The following COL8A1 variants were observed in gnomAD, a reference collection of about 807,000 sequenced individuals.
The protein encoded by COL8A1 is collagen alpha-1(VIII) chain.
COL8A1 carries 21 observed loss-of-function variants against 42.7 expected under a neutral mutation model. The ratio of observed to expected loss-of-function variants is 0.49; its 90% CI spans 0.35 to 0.71. COL8A1 has a LOEUF of 0.71. Among genes scored for constraint, COL8A1 ranks in the 30% least tolerant of loss-of-function variants. The pLI is 0.01. For synonymous variants in COL8A1, 367 were observed against 369.1 expected (o/e 0.99, Z 0.06); for missense variants, 788 against 962.4 (o/e 0.82, Z 2.40).
chr3:99,785,313 A>G (rs1365518925), intron 2 of COL8A1, among the ~76,000 whole-genome samples: 2 of 152,310 alleles, frequency 1.3e-5, no homozygotes, highest in African/African-American at 4.8e-5. Flanking sequence ...CAACACACTA[A>G]GACTTTTGAT....
At chr3:99,773,258 T>C (rs540688126) in intron 2 of COL8A1, among the ~76,000 whole-genome samples, 9 of 152,322 alleles carry the variant, frequency 5.9e-5, no homozygotes, top group Non-Finnish European at 8.8e-5. Context: ...GTTTGAATTG[T>C]TAATAATAAC....
chr3:99,798,113 C>G lies in COL8A1; in HGVS notation c.*1977C>G, dbSNP rs1159536006. ...AAAACACATGGAAATGTGTCTTTGT[C>G]AAATCTGAATCATTATTACCATCAC... On this transcript the variant is annotated 3_prime_UTR_variant, in exon 4 of 4. Coordinates refer to ENST00000652472, the MANE Select transcript of COL8A1 (RefSeq NM_020351.4). 6.6e-6 allele frequency: 1 copy of G among 152,124 alleles called. No individual in the cohort carries two copies. The highest frequency in any genetic ancestry group is 1.5e-5 in the Non-Finnish European group (1 of 68,032). The allele number at this position is 152,124 out of a possible 1,614,324, so 9.4% of individuals were successfully genotyped here. A position where few individuals can be genotyped will look rare whatever the true frequency, so the allele number is the denominator to read the frequency against.
chr3:99,699,691 C>A (rs1939478757), intron 1 of COL8A1, among the ~76,000 whole-genome samples: 1 of 152,134 alleles, frequency 6.6e-6, no homozygotes, highest in African/African-American at 2.4e-5. Flanking sequence ...ATTTTCCATT[C>A]TAGGGAAAAA....
intron 2 of COL8A1, among the ~76,000 whole-genome samples, chr3:99,774,398 CA>C (rs1212968410): frequency 1.3e-5 from 2 of 152,002 alleles, no homozygotes; most frequent in Non-Finnish European, 1.5e-5. Flanking sequence ...AGAGATCATT[CA>C]AAAGCTATTT....
intron 2 of COL8A1, among the ~76,000 whole-genome samples, chr3:99,783,133 C>T (rs751255678): frequency 1.3e-4 from 20 of 152,290 alleles, no homozygotes; most frequent in Non-Finnish European, 2.5e-4. Context: ...AGAAGAGATT[C>T]GGATTAGATA....
At chr3:99,731,371 C>A (rs1940504826) in intron 1 of COL8A1, among the ~76,000 whole-genome samples, 1 of 152,090 alleles carries the variant, frequency 6.6e-6, no homozygotes, top group Non-Finnish European at 1.5e-5. Flanking sequence ...AATGGCAAAG[C>A]CCTATAAGTA....
At chr3:99,712,650 G>A (rs1444595129) in intron 1 of COL8A1, among the ~76,000 whole-genome samples, 3 of 152,080 alleles carry the variant, frequency 2.0e-5, no homozygotes, top group Non-Finnish European at 4.4e-5. Context: ...AGGTGAATTT[G>A]AAAAAGCCTC....
chr3:99,758,485 C>T (rs528391516), intron 2 of COL8A1, among the ~76,000 whole-genome samples: 1 of 152,084 alleles, frequency 6.6e-6, no homozygotes, highest in Non-Finnish European at 1.5e-5. Context: ...CTTTGCAGTG[C>T]GGGCAATTGG....
chr3:99,790,601 C>G, intron 2 of COL8A1, 79 bp from the exon 3 acceptor site: 1 of 1,148,870 alleles, frequency 8.7e-7, no homozygotes, highest in Non-Finnish European at 1.2e-6. Flanking sequence ...CTTTTTTTTC[C>G]CCATTCTATC....
At chr3:99,730,148 T>C (rs1234721290) in intron 1 of COL8A1, among the ~76,000 whole-genome samples, 4 of 152,148 alleles carry the variant, frequency 2.6e-5, no homozygotes, top group Non-Finnish European at 4.4e-5. Flanking sequence ...AATAGAATCT[T>C]TATTTCCATT....
At chr3:99,749,844 G>C (rs1941103003) in intron 2 of COL8A1, among the ~76,000 whole-genome samples, 1 of 151,710 alleles carries the variant, frequency 6.6e-6, no homozygotes, top group East Asian at 1.9e-4. Flanking sequence ...ACAAACAAAA[G>C]GAACCTAAAT....
chr3:99,778,900 A>G (rs1243847832), intron 2 of COL8A1, among the ~76,000 whole-genome samples: 2 of 152,232 alleles, frequency 1.3e-5, no homozygotes, highest in Admixed American at 6.5e-5. Flanking sequence ...GTTATGAACT[A>G]AGTGCAAAGA....
chr3:99,656,682 T>C (rs1938031946), intron 1 of COL8A1, among the ~76,000 whole-genome samples: 2 of 152,222 alleles, frequency 1.3e-5, no homozygotes, highest in African/African-American at 2.4e-5. Context: ...TTACAATCTT[T>C]CTTTTCCAAA....
chr3:99,792,752 C>G (rs1942025023), intron 3 of COL8A1, among the ~76,000 whole-genome samples: 1 of 152,172 alleles, frequency 6.6e-6, no homozygotes, highest in Non-Finnish European at 1.5e-5. Context: ...TCTAAAATAT[C>G]TTATTCATCT....
chr3:99,657,333 C>A (rs540151107), intron 1 of COL8A1, among the ~76,000 whole-genome samples: 1 of 152,072 alleles, frequency 6.6e-6, no homozygotes. Context: ...ATTTATTAGA[C>A]CTAGCATGCA....
intron 1 of COL8A1, among the ~76,000 whole-genome samples, chr3:99,690,960 T>TTGCAA (rs1559780009): frequency 9.5e-4 from 144 of 152,328 alleles, no homozygotes; most frequent in African/African-American, 3.2e-3. Context: ...CTGAACAATG[T>TTGCAA]GGATTTGAAT....
chr3:99,708,665 T>A (rs947695310), intron 1 of COL8A1, among the ~76,000 whole-genome samples: 1 of 152,132 alleles, frequency 6.6e-6, no homozygotes, highest in Non-Finnish European at 1.5e-5. Context: ...TGTTAGTTGA[T>A]CTCTGCTGGA....
chr3:99,665,195 G>C (rs1465964383), intron 1 of COL8A1, among the ~76,000 whole-genome samples: 1 of 152,248 alleles, frequency 6.6e-6, no homozygotes, highest in East Asian at 1.9e-4. Flanking sequence ...TCACAAGAGA[G>C]CTTCTTGCAG....
chr3:99,688,073 A>G (rs1434369909), intron 1 of COL8A1, among the ~76,000 whole-genome samples: 4 of 152,214 alleles, frequency 2.6e-5, no homozygotes, highest in Non-Finnish European at 4.4e-5. Flanking sequence ...CCAAATAGCT[A>G]TAGGTTTAGC....
Sources: allele counts gnomAD v4.1 joint callset (sites outside exome capture counted in the v4.1 genomes callset), GRCh38; gene constraint gnomAD v4.1.1; transcripts MANE v1.5; gene names NCBI Gene and HGNC (gene_info 2026-07-23, HGNC 2026-07-21).